Variants in ARHGAP22 observed in about 807,000 individuals in gnomAD.
ARHGAP22 encodes rho GTPase-activating protein 22.
A neutral mutation model predicts 59.1 loss-of-function variants in ARHGAP22; 48 were observed. The ratio of observed to expected loss-of-function variants is 0.81; its 90% CI spans 0.64 to 1.03. The LOEUF (loss-of-function observed/expected upper bound fraction) is 1.03. ARHGAP22 is among the 50% of genes least tolerant of loss of function. ARHGAP22 has a pLI of 0.00. For missense variants in ARHGAP22, 1,015 were observed against 958.7 expected (o/e 1.06, Z -0.78); for synonymous variants, 445 against 416.4 (o/e 1.07, Z -0.84).
At chr10:48,578,723 G>T (rs2058921414) in intron 2 of ARHGAP22, among the ~76,000 whole-genome samples, 1 of 150,400 alleles carries the variant, frequency 6.6e-6, no homozygotes, top group Middle Eastern at 3.4e-3. Context: ...AGTGTTCTTT[G>T]TTTATGTCTT....
intron 4 of ARHGAP22, among the ~76,000 whole-genome samples, chr10:48,472,635 C>T (rs1390480639): frequency 6.6e-6 from 1 of 152,204 alleles, no homozygotes; most frequent in African/African-American, 2.4e-5. Flanking sequence ...CTCCCTTCCT[C>T]ACTCCCTCCA....
intron 1 of ARHGAP22, among the ~76,000 whole-genome samples, chr10:48,597,235 T>C (rs2060123070): frequency 6.6e-6 from 1 of 152,072 alleles, no homozygotes; most frequent in South Asian, 2.1e-4. Context: ...ACTCATCAAA[T>C]CCAAGAGACT....
intron 3 of ARHGAP22, among the ~76,000 whole-genome samples, chr10:48,522,355 C>T (rs2053886512): frequency 6.6e-6 from 1 of 152,248 alleles, no homozygotes; most frequent in African/African-American, 2.4e-5. Context: ...CACTCCCAGA[C>T]CAGGCTTTTT....
chr10:48,450,141 T>G (rs1489597224), intron 9 of ARHGAP22, 120 bp downstream of exon 9: 5 of 1,393,588 alleles, frequency 3.6e-6, no homozygotes, highest in Non-Finnish European at 3.8e-6. Context: ...TTCCCCTCTC[T>G]GAGGCTGGCT....
upstream of ARHGAP22, among the ~76,000 whole-genome samples, chr10:48,655,008 C>CTTTCTCTTTCTT (rs1554967984): frequency 2.6e-5 from 2 of 76,546 alleles, no homozygotes; most frequent in Admixed American, 2.9e-4. Context: ...CTCTTTCTTT[C>CTTTCTCTTTCTT]TCTTTCTTTC....
chr10:48,483,360 A>T lies in ARHGAP22; in HGVS notation c.323-3596T>A, dbSNP rs192467155. ...CTGATTTTTCCCCCAAAAATTTGCAACCTCCGGCATAAATGGGTTAATTCC... is the reference window on the plus strand; with the variant it reads ...CTGATTTTTCCCCCAAAAATTTGCATCCTCCGGCATAAATGGGTTAATTCC... On this transcript the variant is annotated intron_variant, in intron 3 of 9. Coordinates refer to ENST00000249601, the MANE Select transcript of ARHGAP22 (RefSeq NM_021226.4). Among the ~76,000 whole-genome samples, 308 of 152,234 alleles carry T rather than the reference A, an allele frequency of 2.0e-3. 3 individuals carry two copies. The highest frequency in any genetic ancestry group is 7.1e-3 in the African/African-American group (297 of 41,546).
chr10:48,620,818 T>G (rs1255200327), intron 1 of ARHGAP22, among the ~76,000 whole-genome samples: 1 of 151,996 alleles, frequency 6.6e-6, no homozygotes, highest in Non-Finnish European at 1.5e-5. Context: ...TTCACATTAA[T>G]TTCAACATCC....
At chr10:48,526,802 T>C (rs969459705) in intron 3 of ARHGAP22, among the ~76,000 whole-genome samples, 3 of 152,368 alleles carry the variant, frequency 2.0e-5, no homozygotes, top group East Asian at 3.9e-4. Flanking sequence ...CGTTTAAATA[T>C]ATTTTGGGAT....
intron 1 of ARHGAP22, among the ~76,000 whole-genome samples, chr10:48,618,312 C>G (rs1166334787): frequency 6.6e-6 from 1 of 151,838 alleles, no homozygotes; most frequent in Non-Finnish European, 1.5e-5. Flanking sequence ...CCAGAAAATA[C>G]AAGAGGAGGG....
Position 48,650,087 on chromosome 10 carries a change from G to T in ARHGAP22, c.52+2147C>A, listed in dbSNP as rs895279474. 4.6e-5 allele frequency among the ~76,000 whole-genome samples: 7 copies of T among 150,590 alleles called. No individual in the cohort carries two copies. In the East Asian group the frequency reaches 1.4e-3, roughly 29 times the overall value. On this transcript the variant is annotated intron_variant, in intron 1 of 9. Coordinates refer to the ARHGAP22 transcript ENST00000435790. ...AGAGAAGAAAGATAAACACACAGAG[G>T]TGCTAACCGAGAGACCAAGGATGGG...
In ARHGAP22 at chr10:48,454,899, A is replaced by C. The variant is rs2046342534; in HGVS notation, c.792+103T>G. 4.9e-6 allele frequency: 6 copies of C among 1,223,972 alleles called. 1 individual carries two copies. In the African/African-American group the frequency reaches 9.8e-5, roughly 20 times the overall value. The allele number at this position is 1,223,972 out of a possible 1,614,324, so 75.8% of individuals were successfully genotyped here. ...AACACAGCAGGCCTCCACAGGATCC[A>C]TGTGCCATGAAAATTCATGAAAAGT... On this transcript the variant is annotated intron_variant, in intron 6 of 9. Transcript: ENST00000249601.
intron 1 of ARHGAP22, among the ~76,000 whole-genome samples, chr10:48,625,304 G>T (rs2061411258): frequency 6.6e-6 from 1 of 152,130 alleles, no homozygotes; most frequent in African/African-American, 2.4e-5. Context: ...GTGTGCCAGG[G>T]AACTCTTATA....
rs192470774 is a variant in ARHGAP22 at position 48,630,252 on chromosome 10, C to T, written c.52+21982G>A. On this transcript the variant is annotated intron_variant, in intron 1 of 9. Coordinates refer to the ARHGAP22 transcript ENST00000435790. ...GACTACAGGCCCCCGCCACCTCGCT[C>T]GGCTAATTTTTGTATTTTTAATAGA... 7.4e-4 allele frequency among the ~76,000 whole-genome samples: 113 copies of T among 152,184 alleles called. No homozygotes were observed. In the South Asian group the frequency reaches 1.0e-2, roughly 13 times the overall value.
upstream of ARHGAP22, among the ~76,000 whole-genome samples, chr10:48,609,155 C>A (rs1367590894): frequency 1.3e-5 from 2 of 152,150 alleles, no homozygotes; most frequent in Admixed American, 1.3e-4. Flanking sequence ...GTCAGCACAC[C>A]TCTGGCCCAT....
At chr10:48,495,527 A>T (rs149386362) in intron 3 of ARHGAP22, among the ~76,000 whole-genome samples, 21 of 152,330 alleles carry the variant, frequency 1.4e-4, no homozygotes, top group Non-Finnish European at 2.4e-4. Flanking sequence ...GGCCACTCAC[A>T]GCCCACTCTT....
chr10:48,453,546 C>G, intron 7 of ARHGAP22, 121 bp from the exon 8 acceptor site: 21 of 1,442,812 alleles, frequency 1.5e-5, no homozygotes, highest in Non-Finnish European at 1.9e-5. Flanking sequence ...CTTTTGCCCA[C>G]TGGGTGTAGC....
chr10:48,497,738 T>G (rs558859099), intron 3 of ARHGAP22, among the ~76,000 whole-genome samples: 1 of 152,046 alleles, frequency 6.6e-6, no homozygotes, highest in Non-Finnish European at 1.5e-5. Context: ...CCACAATACC[T>G]CAGTCCCAGG....
At chr10:48,554,569 G>T (rs2057154490) in intron 3 of ARHGAP22, among the ~76,000 whole-genome samples, 1 of 152,070 alleles carries the variant, frequency 6.6e-6, no homozygotes, top group Non-Finnish European at 1.5e-5. Flanking sequence ...ATCTGCAACT[G>T]TCCCTGAAGG....
intron 3 of ARHGAP22, among the ~76,000 whole-genome samples, chr10:48,523,519 C>T (rs1410984050): frequency 2.0e-5 from 3 of 152,252 alleles, no homozygotes; most frequent in Non-Finnish European, 1.5e-5. Context: ...CAGCTCTGCT[C>T]GCAGGTTCCG....
Sources: gnomAD v4.1 joint callset for allele counts (sites outside exome capture counted in the v4.1 genomes callset) on GRCh38, gnomAD v4.1.1 for gene constraint, MANE v1.5 for transcripts, NCBI Gene and HGNC (gene_info 2026-07-23, HGNC 2026-07-21) for gene names.